Variants in TRIM26 observed in about 807,000 individuals in gnomAD.
TRIM26 encodes tripartite motif-containing protein 26.
In TRIM26, 16 loss-of-function variants were observed where a neutral mutation model predicts 45.5. The ratio of observed to expected loss-of-function variants is 0.35; its 90% CI spans 0.24 to 0.53. TRIM26 has a LOEUF of 0.53. TRIM26 is among the 20% of genes least tolerant of loss of function. The probability of loss-of-function intolerance (pLI) is 0.92; values close to 1 mark genes in which losing one functional copy is unlikely to be tolerated. For synonymous variants in TRIM26, 273 were observed against 290.4 expected (o/e 0.94, Z 0.61); for missense variants, 442 against 691.1 (o/e 0.64, Z 4.04).
chr6:30,199,023 C>T lies in TRIM26; in HGVS notation c.81G>A (p.Val27=), dbSNP rs1358320709. ...AGAAGACGTGGCCACAGTCAATGGT[C>T]ACAGGGTCCCGCAGGTAATCAAGAC... The part of the protein sequence containing the change: ...SICLDYLRDP[V]TIDCGHVFCR... Residue 27 remains valine, a synonymous_variant, in exon 4 of 10, where the codon GTG becomes GTA. Transcript: ENST00000454678. 3.1e-6 allele frequency: 5 copies of T among 1,610,386 alleles called. No individual in the cohort carries two copies. The highest frequency in any genetic ancestry group is 4.2e-6 in the Non-Finnish European group (5 of 1,178,164).
intron 6 of TRIM26, among the ~76,000 whole-genome samples, chr6:30,193,069 T>C (rs1157320326): frequency 7.0e-6 from 1 of 142,524 alleles, no homozygotes; most frequent in Non-Finnish European, 1.5e-5. Context: ...GTAGTATATA[T>C]ATATATATGT....
intron 1 of TRIM26, among the ~76,000 whole-genome samples, chr6:30,210,214 A>C (rs2127538375): frequency 6.6e-6 from 1 of 151,806 alleles, no homozygotes; most frequent in African/African-American, 2.4e-5. Flanking sequence ...CAAAACAAAA[A>C]AAAAAAACTG....
intron 9 of TRIM26, chr6:30,188,598 C>T (rs768561096): frequency 1.3e-5 from 3 of 231,424 alleles, no homozygotes; most frequent in East Asian, 9.8e-5. Context: ...CTCAGGGCCT[C>T]GTTTGCTCCC....
rs1195245946 is a variant in TRIM26 at position 30,190,187 on chromosome 6, T to C, written c.766-152A>G. On this transcript the variant is annotated intron_variant, in intron 6 of 9. Transcript: ENST00000454678. This position sits in a 1 kb window ranked among gnomAD's most constrained non-coding sequence, Gnocchi z 4.3. ...GGAGCTGACATTCCAGTGGGGTCAC[T>C]GCATAAAACAACAAGAAAACAAACA... is the stretch of plus-strand genomic sequence containing the variant. The C allele has an allele frequency of 1.0e-5, 8 of 774,856 alleles. No homozygotes were observed. Among genetic ancestry groups the C allele is most frequent in the Non-Finnish European group, 1.3e-5 (6 of 477,892 alleles). The allele number at this position is 774,856 out of a possible 1,614,324, so 48.0% of individuals were successfully genotyped here.
At chr6:30,205,349 G>A (rs561903576) in intron 1 of TRIM26, among the ~76,000 whole-genome samples, 34 of 152,192 alleles carry the variant, frequency 2.2e-4, no homozygotes, top group Non-Finnish European at 4.7e-4. Flanking sequence ...CTCACAGGCA[G>A]AACTGCAGAC....
chr6:30,205,664 A>G (rs538383938), intron 1 of TRIM26, among the ~76,000 whole-genome samples: 1 of 152,298 alleles, frequency 6.6e-6, no homozygotes, highest in Non-Finnish European at 1.5e-5. Context: ...ATAGTGAGAC[A>G]TTGTCTCCAA....
chr6:30,184,855 G>A lies in TRIM26; in HGVS notation c.*1021C>T, dbSNP rs943889648. ...AGGTTGGGTCCGTGGGCAATGAGAA[G>A]ACATGTTACTCCCTCTCTTGACATG... is the stretch of plus-strand genomic sequence containing the variant. On this transcript the variant is annotated 3_prime_UTR_variant, in exon 10 of 10. Transcript: ENST00000454678. 6.5e-6 allele frequency: 1 copy of A among 152,878 alleles called. No individual in the cohort carries two copies. Among genetic ancestry groups the A allele is most frequent in the African/African-American group, 2.4e-5 (1 of 41,418 alleles). 9.5% of individuals were successfully genotyped at this position (152,878 alleles called of 1,614,324 possible). A position where few individuals can be genotyped will look rare whatever the true frequency, so the allele number is the denominator to read the frequency against.
intron 6 of TRIM26, among the ~76,000 whole-genome samples, chr6:30,193,152 G>A (rs1387542073): frequency 4.0e-5 from 2 of 50,608 alleles, no homozygotes; most frequent in Non-Finnish European, 6.7e-5. Flanking sequence ...GTGTGTGTGT[G>A]TGTGTGTGTG....
chr6:30,196,862 C>T lies in TRIM26; in HGVS notation c.535-116G>A. The T allele has an allele frequency of 3.0e-6, 3 of 997,380 alleles. No individual in the cohort carries two copies. The highest frequency in any genetic ancestry group is 4.5e-6 in the Non-Finnish European group (3 of 671,642). The allele number at this position is 997,380 out of a possible 1,614,324, so 61.8% of individuals were successfully genotyped here. On this transcript the variant is annotated intron_variant, in intron 5 of 9. Transcript: ENST00000454678. The surrounding 1 kb of genome is among the most constrained non-coding windows in gnomAD (Gnocchi z 4.9). ...TCGCTACCCCCGTTCAGGAATTCTA[C>T]AGGATCTGGAGTGGGAGGAGCTACA... is the stretch of plus-strand genomic sequence containing the variant.
chr6:30,186,866 G>T lies in TRIM26; in HGVS notation c.938-308C>A. ...GCTTCCTCTATCTCTGGATCTCTGG[G>T]TCCAACTCATCATTAATATCATCCA... On this transcript the variant is annotated intron_variant, in intron 9 of 9. Transcript: ENST00000454678. This position sits in a 1 kb window ranked among gnomAD's most constrained non-coding sequence, Gnocchi z 7.4. The T allele has an allele frequency of 1.2e-6, 1 of 814,950 alleles. No homozygotes were observed. Among genetic ancestry groups the T allele is most frequent in the Non-Finnish European group, 2.1e-6 (1 of 482,370 alleles). 50.5% of individuals were successfully genotyped at this position (814,950 alleles called of 1,614,324 possible).
intron 6 of TRIM26, among the ~76,000 whole-genome samples, chr6:30,191,738 T>C (rs1050126003): frequency 6.6e-6 from 1 of 152,216 alleles, no homozygotes; most frequent in African/African-American, 2.4e-5. Flanking sequence ...CCCCCCGCTA[T>C]GAAGCAAGTG....
intron 1 of TRIM26, among the ~76,000 whole-genome samples, chr6:30,208,424 C>T (rs1777931000): frequency 6.6e-6 from 1 of 151,966 alleles, no homozygotes; most frequent in African/African-American, 2.4e-5. Context: ...ATCACTCCTT[C>T]CCTTTTCTTT....
intron 1 of TRIM26, among the ~76,000 whole-genome samples, chr6:30,210,930 A>G (rs1406586717): frequency 2.0e-5 from 3 of 152,200 alleles, no homozygotes; most frequent in Admixed American, 6.5e-5. Flanking sequence ...GAGGTTGACC[A>G]TGGGTAACGG....
In TRIM26 at chr6:30,186,236, G is replaced by A. The variant is rs540979301; in HGVS notation, c.1260C>T (p.Gly420=). ...WETDEDEESL[G]DEEEEEEEEE... is the part of the protein sequence containing the mutation. ...CCTCCTCCTCTTCTTCCTCTTCATC[G>A]CCCAACGATTCCTCATCTTCGTCCG... Residue 420 remains glycine (G), a synonymous_variant, in exon 10 of 10, where the codon GGC becomes GGT. Coordinates refer to ENST00000454678, the MANE Select transcript of TRIM26 (RefSeq NM_003449.5). This position sits in a 1 kb window ranked among gnomAD's most constrained non-coding sequence, Gnocchi z 7.4. 40 of 1,597,574 alleles carry A rather than the reference G, an allele frequency of 2.5e-5. No homozygotes were observed. In the Middle Eastern group the frequency reaches 8.3e-4, roughly 33 times the overall value.
chr6:30,185,599 T>A lies in TRIM26; in HGVS notation c.*277A>T. On this transcript the variant is annotated 3_prime_UTR_variant, in exon 10 of 10. Coordinates refer to ENST00000454678, the MANE Select transcript of TRIM26 (RefSeq NM_003449.5). The surrounding 1 kb of genome is among the most constrained non-coding windows in gnomAD (Gnocchi z 5.7). The stretch of plus-strand genomic sequence containing the variant: ...GAGTGCAGAGCTGGGGCCAAGGTCG[T>A]GGTCAAAAAGGAAAGGAGCCCTCAT... 1 of 499,926 alleles carries A rather than the reference T, an allele frequency of 2.0e-6. No individual in the cohort carries two copies. Among genetic ancestry groups the A allele is most frequent in the Non-Finnish European group, 3.5e-6 (1 of 283,992 alleles). The allele number at this position is 499,926 out of a possible 1,614,324, so 31.0% of individuals were successfully genotyped here. A position where few individuals can be genotyped will look rare whatever the true frequency, so the allele number is the denominator to read the frequency against.
chr6:30,189,097 A>G lies in TRIM26; in HGVS notation c.937+70T>C. On this transcript the variant is annotated intron_variant, in intron 9 of 9. Transcript: ENST00000454678. This position sits in a 1 kb window ranked among gnomAD's most constrained non-coding sequence, Gnocchi z 5.0. ...GGGGCTACCTGGGGGAAAAGTGAGC[A>G]GTCAGAATCTCTGCAGGCGGAGTTT... 1 of 1,527,418 alleles carries G rather than the reference A, an allele frequency of 6.5e-7. No individual in the cohort carries two copies. The highest frequency in any genetic ancestry group is 8.9e-7 in the Non-Finnish European group (1 of 1,127,028). 94.6% of individuals were successfully genotyped at this position (1,527,418 alleles called of 1,614,324 possible). A position where few individuals can be genotyped will look rare whatever the true frequency, so the allele number is the denominator to read the frequency against.
At position 30,198,747 on chromosome 6, in the gene TRIM26, C is replaced by T. The variant is rs746211989; in HGVS notation, c.357G>A (p.Leu119=). 6.2e-7 allele frequency: 1 copy of T among 1,604,346 alleles called. No individual in the cohort carries two copies. The highest frequency in any genetic ancestry group is 8.5e-7 in the Non-Finnish European group (1 of 1,179,964). The change falls in exon 4 of 10, where the codon CTG becomes CTA. Residue 119 remains leucine (L), a synonymous_variant. Transcript: ENST00000454678. The surrounding 1 kb of genome is among the most constrained non-coding windows in gnomAD (Gnocchi z 6.3). ...LHYYCEDDGK[L]LCVMCRESRE... ...GGGACTCCCGGCACATCACGCACAG[C>T]AGCTTCCCGTCGTCCTCACAGTAGT...
intron 1 of TRIM26, among the ~76,000 whole-genome samples, 183 bp downstream of exon 1, chr6:30,213,122 C>A (rs1364004227): frequency 6.6e-6 from 1 of 152,154 alleles, no homozygotes; most frequent in Non-Finnish European, 1.5e-5. Flanking sequence ...AATGTAAGGA[C>A]AAGCAAACAG....
rs1776498327 is a variant in TRIM26 at position 30,196,651 on chromosome 6, C to T, written c.630G>A (p.Leu210=). ...REREEHLLEQ[L]AKLEQELTEG... ...CCGTGAGCTCCTGCTCCAGCTTCGC[C>T]AGCTGTTCCAGCAGGTGTTCCTCCC... The change falls in exon 6 of 10, where the codon CTG becomes CTA. Residue 210 remains leucine, a synonymous_variant. Transcript: ENST00000454678. The surrounding 1 kb of genome is among the most constrained non-coding windows in gnomAD (Gnocchi z 4.9). 5.6e-6 allele frequency: 9 copies of T among 1,614,114 alleles called. No individual in the cohort carries two copies. The highest frequency in any genetic ancestry group is 3.3e-5 in the Admixed American group (2 of 60,010).
Sources: gnomAD v4.1 joint callset for allele counts (sites outside exome capture counted in the v4.1 genomes callset) on GRCh38, gnomAD v4.1.1 for gene constraint, Gnocchi (gnomAD v3.1) non-coding constraint, MANE v1.5 for transcripts, NCBI Gene and HGNC (gene_info 2026-07-23, HGNC 2026-07-21) for gene names.